Variants in KCNN2 observed in about 807,000 individuals in gnomAD.
KCNN2 encodes the protein small conductance calcium-activated potassium channel protein 2.
In KCNN2, 24 loss-of-function variants were observed where a neutral mutation model predicts 55.5. The observed-to-expected ratio is 0.43, with a 90% CI of 0.31 to 0.61. The LOEUF is 0.61. KCNN2 is among the 20% of genes least tolerant of loss of function. The pLI, the probability that KCNN2 is intolerant of heterozygous loss-of-function variation, is 0.08. For missense variants in KCNN2, 754 were observed against 853.6 expected (o/e 0.88, Z 1.45); for synonymous variants, 431 against 336.1 (o/e 1.28, Z -3.09).
At chr5:114,246,421 G>C (rs1334397651) in intron 2 of KCNN2, among the ~76,000 whole-genome samples, 1 of 152,002 alleles carries the variant, frequency 6.6e-6, no homozygotes, top group African/African-American at 2.4e-5. Flanking sequence ...ATTTTTCATG[G>C]TTATGAATAC....
intron 2 of KCNN2, among the ~76,000 whole-genome samples, chr5:114,230,204 G>A (rs182501261): frequency 3.7e-4 from 56 of 151,732 alleles, no homozygotes; most frequent in Admixed American, 1.1e-3. Context: ...AGATTATAAA[G>A]GATAAGCAGG....
chr5:114,219,951 G>A (rs749259318), intron 1 of KCNN2, among the ~76,000 whole-genome samples: 1 of 152,152 alleles, frequency 6.6e-6, no homozygotes, highest in Admixed American at 6.5e-5. Context: ...TTTAGGCTTT[G>A]TGGGTCAAAA....
At chr5:114,085,384 T>A (rs181127995) in intron 1 of KCNN2, among the ~76,000 whole-genome samples, 56 of 152,104 alleles carry the variant, frequency 3.7e-4, no homozygotes, top group Middle Eastern at 3.4e-3. Context: ...TTCTGTAGTT[T>A]TCTCCATATA....
chr5:114,322,531 G>A (rs147878329), intron 2 of KCNN2, among the ~76,000 whole-genome samples: 26 of 151,186 alleles, frequency 1.7e-4, no homozygotes, highest in African/African-American at 6.3e-4. Context: ...TGAACTTCAG[G>A]ACACACTGCA....
chr5:114,404,290 ATAGTATACCTGGC>A, intron 2 of KCNN2, 135 bp from the exon 3 acceptor site: 1 of 627,286 alleles, frequency 1.6e-6, no homozygotes, highest in Non-Finnish European at 2.8e-6. Context: ...TTTACTAAAA[ATAGTATACCTGGC>A]TAGCATTTAA....
At chr5:114,430,430 A>G (rs930953832) in intron 3 of KCNN2, among the ~76,000 whole-genome samples, 9 of 152,078 alleles carry the variant, frequency 5.9e-5, no homozygotes, top group Non-Finnish European at 1.0e-4. Context: ...TGATACATAG[A>G]AAAGTAATAG....
chr5:114,205,484 T>A (rs1033239311), intron 1 of KCNN2, among the ~76,000 whole-genome samples: 1 of 152,204 alleles, frequency 6.6e-6, no homozygotes, highest in Non-Finnish European at 1.5e-5. Context: ...TATGCAGTAT[T>A]AAATAACCTA....
At chr5:114,167,740 G>C (rs1208547658) in intron 1 of KCNN2, among the ~76,000 whole-genome samples, 5 of 152,048 alleles carry the variant, frequency 3.3e-5, no homozygotes, top group Non-Finnish European at 7.4e-5. Flanking sequence ...GATTGGTTTT[G>C]ACTTATGCAT....
intron 2 of KCNN2, among the ~76,000 whole-genome samples, chr5:114,393,910 A>G (rs983106196): frequency 6.6e-6 from 1 of 152,030 alleles, no homozygotes; most frequent in South Asian, 2.1e-4. Flanking sequence ...CCGTTTCCCT[A>G]CTAGATTATT....
chr5:114,416,454 G>A (rs1196950249), intron 3 of KCNN2, among the ~76,000 whole-genome samples: 2 of 152,172 alleles, frequency 1.3e-5, no homozygotes, highest in African/African-American at 2.4e-5. Context: ...ACTTTGGAAG[G>A]ATGATGCTCT....
At chr5:114,163,456 T>C (rs1752839381) in intron 1 of KCNN2, among the ~76,000 whole-genome samples, 1 of 152,206 alleles carries the variant, frequency 6.6e-6, no homozygotes, top group Non-Finnish European at 1.5e-5. Flanking sequence ...ATTTGAGGTA[T>C]ATTCCTTTAA....
chr5:114,218,958 G>A (rs1241639064), intron 1 of KCNN2, among the ~76,000 whole-genome samples: 2 of 152,210 alleles, frequency 1.3e-5, no homozygotes, highest in African/African-American at 4.8e-5. Flanking sequence ...GAGCATGTGA[G>A]CAAAGAAGTG....
chr5:114,485,238 G>T (rs1209160352), intron 5 of KCNN2, among the ~76,000 whole-genome samples: 1 of 152,126 alleles, frequency 6.6e-6, no homozygotes, highest in Non-Finnish European at 1.5e-5. Flanking sequence ...ACCAGGCAGG[G>T]ATCTAGGCTT....
intron 1 of KCNN2, among the ~76,000 whole-genome samples, chr5:114,212,367 T>C (rs1451069415): frequency 2.6e-5 from 4 of 151,960 alleles, no homozygotes; most frequent in Non-Finnish European, 5.9e-5. Context: ...TAAAGTAAAT[T>C]AGTGGTTGCC....
chr5:114,235,188 C>T (rs377486202), intron 2 of KCNN2, among the ~76,000 whole-genome samples: 11 of 152,182 alleles, frequency 7.2e-5, no homozygotes, highest in Non-Finnish European at 1.5e-4. Flanking sequence ...AACCTAACTA[C>T]CATTTGAGGC....
chr5:114,388,476 T>C (rs1446765254), intron 2 of KCNN2, among the ~76,000 whole-genome samples: 1 of 152,212 alleles, frequency 6.6e-6, no homozygotes, highest in Non-Finnish European at 1.5e-5. Flanking sequence ...ATCATACTAT[T>C]GATGTCCCGC....
At chr5:114,355,896 G>C (rs1757286287) in intron 2 of KCNN2, among the ~76,000 whole-genome samples, 2 of 152,054 alleles carry the variant, frequency 1.3e-5, no homozygotes, top group African/African-American at 4.8e-5. Context: ...TAGGTACCTT[G>C]GACCTGCAGG....
intron 1 of KCNN2, among the ~76,000 whole-genome samples, chr5:114,079,965 T>A (rs905353975): frequency 6.6e-6 from 1 of 152,078 alleles, no homozygotes; most frequent in Non-Finnish European, 1.5e-5. Context: ...GTATGATTTT[T>A]TTATTCACTT....
chr5:114,244,976 A>T (rs1754722876), intron 2 of KCNN2, among the ~76,000 whole-genome samples: 1 of 152,236 alleles, frequency 6.6e-6, no homozygotes, highest in African/African-American at 2.4e-5. Context: ...AGCAAAAAAT[A>T]TTAATGGCTG....
Sources: gnomAD v4.1 joint callset for allele counts (sites outside exome capture counted in the v4.1 genomes callset) on GRCh38, gnomAD v4.1.1 for gene constraint, MANE v1.5 for transcripts, NCBI Gene and HGNC (gene_info 2026-07-23, HGNC 2026-07-21) for gene names.